The following COL18A1 variants were observed in gnomAD, a reference collection of about 807,000 sequenced individuals.
COL18A1 encodes collagen type XVIII alpha 1 chain, also known as collagen alpha-1(XVIII) chain.
A neutral mutation model predicts 168.0 loss-of-function variants in COL18A1; 133 were observed. That is an observed-to-expected ratio of 0.79 (90% CI 0.69 to 0.91). The LOEUF (loss-of-function observed/expected upper bound fraction) is 0.91. COL18A1 is among the 40% of genes least tolerant of loss of function. The pLI is 0.00. For missense variants in COL18A1, 2,126 were observed against 1,925.4 expected, an observed-to-expected ratio of 1.10 and a Z score of -1.95; for synonymous variants, 949 against 809.0, an observed-to-expected ratio of 1.17 and a Z score of -2.94.
At chr21:45,511,987 T>C (rs1027475490) in intron 41 of COL18A1, among the ~76,000 whole-genome samples, 1 of 152,088 alleles carries the variant, frequency 6.6e-6, no homozygotes, top group African/African-American at 2.4e-5. Flanking sequence ...AGAAGCAGCA[T>C]GGGGGGCAGT....
At chr21:45,491,605 A>C (rs2036355795) in intron 22 of COL18A1, among the ~76,000 whole-genome samples, 1 of 150,976 alleles carries the variant, frequency 6.6e-6, no homozygotes. Flanking sequence ...TGTCCTTGAC[A>C]CTGTGGCCCC....
At chr21:45,476,759 G>A (rs1275157686) in intron 6 of COL18A1, among the ~76,000 whole-genome samples, 3 of 150,934 alleles carry the variant, frequency 2.0e-5, no homozygotes, top group Non-Finnish European at 4.4e-5. Context: ...TGTGCAGTGT[G>A]TGGTGTGTGT....
Position 45,443,413 on chromosome 21 carries a change from C to T in COL18A1, c.107-24829C>T, listed in dbSNP as rs764606251. 1.3e-5 allele frequency among the ~76,000 whole-genome samples: 2 copies of T among 152,116 alleles called. No homozygotes were observed. Among genetic ancestry groups the T allele is most frequent in the East Asian group, 1.9e-4 (1 of 5,188 alleles). On this transcript the variant is annotated intron_variant, in intron 2 of 41. Transcript: ENST00000651438. This position sits in a 1 kb window ranked among gnomAD's most constrained non-coding sequence, Gnocchi z 5.2. ...GTGGGCCTTCACCAGCTTGAAAGGC[C>T]GCCCGTGCCTTTCCTCCTTGGCCCT... is the stretch of plus-strand genomic sequence containing the variant.
intron 17 of COL18A1, among the ~76,000 whole-genome samples, chr21:45,487,769 C>T (rs775386524): frequency 2.0e-5 from 3 of 152,192 alleles, no homozygotes; most frequent in East Asian, 1.9e-4. Context: ...CAAAGGAACA[C>T]GGGGCCGCAT....
At chr21:45,506,298 CA>C in intron 37 of COL18A1, 2 of 373,986 alleles carry the variant, frequency 5.3e-6, no homozygotes, top group Non-Finnish European at 1.0e-5. Context: ...GACGAGGCGG[CA>C]GGGGGGCTCA....
chr21:45,422,675 G>A (rs2033664325), intron 2 of COL18A1: 2 of 324,046 alleles, frequency 6.2e-6, no homozygotes, highest in African/African-American at 2.2e-5. Flanking sequence ...CCAAGGAAAG[G>A]GGAGGTAGCG....
At chr21:45,496,958 G>C (rs923885391) in intron 30 of COL18A1, 92 bp from the exon 31 acceptor site, 24 of 833,400 alleles carry the variant, frequency 2.9e-5, no homozygotes, top group Non-Finnish European at 4.8e-5. Flanking sequence ...TCATACAGGG[G>C]CTGGTGCTTC....
At chr21:45,439,402 C>T (rs2034306149) in intron 2 of COL18A1, among the ~76,000 whole-genome samples, 1 of 152,260 alleles carries the variant, frequency 6.6e-6, no homozygotes, top group African/African-American at 2.4e-5. Flanking sequence ...GGCTGGTGGG[C>T]AGAGAGGTCA....
intron 9 of COL18A1, 112 bp from the exon 10 acceptor site, chr21:45,479,790 C>G: frequency 1.3e-6 from 2 of 1,488,514 alleles, no homozygotes; most frequent in Non-Finnish European, 1.8e-6. Flanking sequence ...AGAGACTCCC[C>G]TGAAGGGCTC....
intron 2 of COL18A1, among the ~76,000 whole-genome samples, chr21:45,431,127 A>G (rs1205946829): frequency 6.6e-6 from 1 of 152,110 alleles, no homozygotes; most frequent in African/African-American, 2.4e-5. Context: ...CATTCCATTC[A>G]TAGCGGCTTA....
chr21:45,472,810 C>CA (rs2035492031), intron 3 of COL18A1, among the ~76,000 whole-genome samples: 1 of 152,048 alleles, frequency 6.6e-6, no homozygotes, highest in South Asian at 2.1e-4. Flanking sequence ...CACACCCCCC[C>CA]ACGCATGAGC....
chr21:45,453,913 G>A (rs1054969452), intron 2 of COL18A1, among the ~76,000 whole-genome samples: 5 of 152,212 alleles, frequency 3.3e-5, no homozygotes, highest in African/African-American at 1.2e-4. Context: ...GACCCTCTGA[G>A]CACAGAGCCT....
chr21:45,507,555 T>C lies in COL18A1; in HGVS notation c.3217-6T>C. ...GGTCCTGGGTGACCCTGCTGCTTTC[T>C]TCCAGCTGGAGGCCCGGACACCACT... On this transcript the variant is annotated splice_polypyrimidine_tract_variant and splice_region_variant and intron_variant, in intron 37 of 41. Coordinates refer to ENST00000651438, the MANE Select transcript of COL18A1 (RefSeq NM_001379500.1). The C allele has an allele frequency of 1.2e-6, 2 of 1,612,060 alleles. No individual in the cohort carries two copies. The highest frequency in any genetic ancestry group is 1.7e-6 in the Non-Finnish European group (2 of 1,179,622).
intron 6 of COL18A1, 34 bp from the exon 7 acceptor site, chr21:45,477,377 G>A (rs1226737549): frequency 1.9e-6 from 3 of 1,582,588 alleles, no homozygotes; most frequent in African/African-American, 2.7e-5. Context: ...CACCCGGGGG[G>A]CGTGACCGTG....
At chr21:45,435,731 C>A (rs767084789) in intron 2 of COL18A1, among the ~76,000 whole-genome samples, 2 of 152,094 alleles carry the variant, frequency 1.3e-5, no homozygotes, top group Non-Finnish European at 2.9e-5. Context: ...CTGCCGTGGG[C>A]TGAGGCATGT....
intron 2 of COL18A1, among the ~76,000 whole-genome samples, chr21:45,429,593 G>C (rs2033899084): frequency 1.3e-5 from 2 of 152,178 alleles, no homozygotes; most frequent in South Asian, 2.1e-4. Flanking sequence ...GGGGCTGGAG[G>C]CATCTTCTAG....
chr21:45,496,620 G>T, intron 30 of COL18A1, 52 bp downstream of exon 30: 3 of 864,250 alleles, frequency 3.5e-6, no homozygotes, highest in Non-Finnish European at 6.0e-6. Flanking sequence ...CTGTCACACA[G>T]AGCCCCACAG....
Position 45,494,984 on chromosome 21 carries a change from CG to C in COL18A1, c.2433+74del. The C allele has an allele frequency of 2.9e-6, 4 of 1,380,842 alleles. No individual in the cohort carries two copies. In the East Asian group the frequency reaches 9.7e-5, roughly 33 times the overall value. 85.5% of individuals were successfully genotyped at this position (1,380,842 alleles called of 1,614,324 possible). ...GCAGGTGGGGAGCAGCCCAGGCCCA[CG>C]GGGGTGACATGCCCAGAGGGGAGTG... On this transcript the variant is annotated intron_variant, in intron 28 of 41. Transcript: ENST00000651438.
In COL18A1 at chr21:45,486,953, G is replaced by C; in HGVS notation, c.1794G>C (p.Gly598=). ...PGPAGPPGPP[G]PPGPPGPGLP... ...CTGCTGGACCACCAGGCCCCCCTGG[G>C]CCCCCTGGGCCCCCAGGACCAGGAC... The change falls in exon 16 of 42, where the codon GGG becomes GGC. Residue 598 remains glycine, a synonymous_variant. Coordinates refer to ENST00000651438, the MANE Select transcript of COL18A1 (RefSeq NM_001379500.1). The C allele has an allele frequency of 1.3e-6, 2 of 1,494,964 alleles. No homozygotes were observed. The highest frequency in any genetic ancestry group is 8.9e-7 in the Non-Finnish European group (1 of 1,125,306). 92.6% of individuals were successfully genotyped at this position (1,494,964 alleles called of 1,614,324 possible).
Sources: allele counts gnomAD v4.1 joint callset (sites outside exome capture counted in the v4.1 genomes callset), GRCh38; gene constraint gnomAD v4.1.1; non-coding constraint Gnocchi (gnomAD v3.1); transcripts MANE v1.5; gene names NCBI Gene and HGNC (gene_info 2026-07-23, HGNC 2026-07-21).